ZHX2: variants seen among roughly 807,000 people sequenced by gnomAD.
ZHX2 encodes zinc fingers and homeoboxes 2.
ZHX2 carries 6 observed loss-of-function variants against 21.9 expected under a neutral mutation model. The observed-to-expected ratio is 0.27, with a 90% confidence interval of 0.15 to 0.54. ZHX2 has a LOEUF of 0.54. Among genes scored for constraint, ZHX2 ranks in the 20% least tolerant of loss-of-function variants. The probability of loss-of-function intolerance (pLI) is 0.95; values close to 1 mark genes in which losing one functional copy is unlikely to be tolerated. For missense variants in ZHX2, 908 were observed against 1,090.7 expected, an observed-to-expected ratio of 0.83 and a Z score of 2.36; for synonymous variants, 434 against 437.1, an observed-to-expected ratio of 0.99 and a Z score of 0.09.
Position 122,953,661 on chromosome 8 carries a change from C to T in ZHX2, c.2151C>T (p.Ala717=), listed in dbSNP as rs151153297. Residue 717 remains alanine (A), a synonymous_variant, in exon 3 of 4, where the codon GCC becomes GCT. Coordinates refer to ENST00000314393, the MANE Select transcript of ZHX2 (RefSeq NM_014943.5). The surrounding 1 kb of genome is among the most constrained non-coding windows in gnomAD (Gnocchi z 4.6). The part of the protein sequence containing the change: ...AVARKATKPM[A]ESPKNGGDVV... ...CAAGGAAAGCAACAAAACCCATGGC[C>T]GAGAGCCCAAAGAACGGGGGTGATG... 1.1e-5 allele frequency: 17 copies of T among 1,614,092 alleles called. No homozygotes were observed. The highest frequency in any genetic ancestry group is 2.2e-5 in the South Asian group (2 of 91,088).
intron 1 of ZHX2, among the ~76,000 whole-genome samples, chr8:122,859,201 C>T (rs1419884717): frequency 1.3e-5 from 2 of 152,212 alleles, no homozygotes; most frequent in Non-Finnish European, 2.9e-5. Flanking sequence ...TGCTTAGTAT[C>T]TCCTGGGGTC....
chr8:122,942,673 A>G (rs1812876054), intron 2 of ZHX2, among the ~76,000 whole-genome samples: 1 of 152,058 alleles, frequency 6.6e-6, no homozygotes, highest in Admixed American at 6.5e-5. Flanking sequence ...ATCCCTAGAG[A>G]GGTCAAGAGC....
intron 1 of ZHX2, among the ~76,000 whole-genome samples, chr8:122,783,527 A>C (rs542014228): frequency 3.9e-5 from 6 of 152,092 alleles, no homozygotes; most frequent in Non-Finnish European, 5.9e-5. Flanking sequence ...TCCTTTATAT[A>C]TGGCAGAAAT....
At chr8:122,959,513 C>A (rs1469793608) in intron 3 of ZHX2, among the ~76,000 whole-genome samples, 1 of 152,196 alleles carries the variant, frequency 6.6e-6, no homozygotes, top group East Asian at 1.9e-4. Context: ...TATCATTAAT[C>A]TCTGAATCCC....
chr8:122,852,506 A>G (rs557761545), intron 1 of ZHX2, among the ~76,000 whole-genome samples: 1 of 152,144 alleles, frequency 6.6e-6, no homozygotes, highest in Non-Finnish European at 1.5e-5. Flanking sequence ...GACACAGCTA[A>G]TCATCGGCAG....
At chr8:122,870,358 G>A (rs1183199160) in intron 2 of ZHX2, among the ~76,000 whole-genome samples, 1 of 151,994 alleles carries the variant, frequency 6.6e-6, no homozygotes, top group Non-Finnish European at 1.5e-5. Context: ...TGCCAGGCAC[G>A]GTAGCTCACG....
intron 1 of ZHX2, among the ~76,000 whole-genome samples, chr8:122,800,836 T>A (rs1367229098): frequency 6.6e-6 from 1 of 152,100 alleles, no homozygotes; most frequent in Non-Finnish European, 1.5e-5. Flanking sequence ...CAAAACCATG[T>A]GGGGGAGCTT....
At chr8:122,947,434 T>G (rs1445304892) in intron 2 of ZHX2, among the ~76,000 whole-genome samples, 3 of 152,202 alleles carry the variant, frequency 2.0e-5, no homozygotes, top group Non-Finnish European at 4.4e-5. Context: ...GGTACTGAAT[T>G]TTTAATCCTA....
At chr8:122,796,340 C>T (rs1275715158) in intron 1 of ZHX2, among the ~76,000 whole-genome samples, 1 of 152,182 alleles carries the variant, frequency 6.6e-6, no homozygotes, top group African/African-American at 2.4e-5. Flanking sequence ...ACTAACACAG[C>T]CTCTCATCCT....
intron 1 of ZHX2, among the ~76,000 whole-genome samples, chr8:122,834,217 T>A (rs141372533): frequency 6.6e-6 from 1 of 152,148 alleles, no homozygotes; most frequent in African/African-American, 2.4e-5. Context: ...TTGGCTTGGA[T>A]GAAGTGATGG....
At chr8:122,912,418 CTA>C in intron 2 of ZHX2, among the ~76,000 whole-genome samples, 1 of 152,318 alleles carries the variant, frequency 6.6e-6, no homozygotes, top group Middle Eastern at 3.4e-3. Flanking sequence ...GTAGGCTGCT[CTA>C]TGTGACGCCT....
At chr8:122,788,007 C>T (rs923227796) in intron 1 of ZHX2, among the ~76,000 whole-genome samples, 8 of 152,136 alleles carry the variant, frequency 5.3e-5, no homozygotes, top group Non-Finnish European at 1.2e-4. Context: ...CCATCTCATC[C>T]CCCACAGCCT....
intron 2 of ZHX2, among the ~76,000 whole-genome samples, chr8:122,878,233 A>G (rs1586353063): frequency 6.6e-6 from 1 of 152,204 alleles, no homozygotes; most frequent in East Asian, 1.9e-4. Context: ...TTGTGTGTGT[A>G]TGTATATCAG....
At chr8:122,844,764 A>G (rs769663477) in intron 1 of ZHX2, among the ~76,000 whole-genome samples, 2 of 151,954 alleles carry the variant, frequency 1.3e-5, no homozygotes, top group African/African-American at 2.4e-5. Context: ...TCACACACAC[A>G]CTTTTTGGTT....
rs1281510670 is a variant in ZHX2 at position 122,837,392 on chromosome 8, C to T, written c.-282-26085C>T. ...TGGGTTCCAGACCCCCATCTCTAAT[C>T]GTGAGCCCCATCCTGGAAGTCACTT... On this transcript the variant is annotated intron_variant, in intron 1 of 3. Coordinates refer to ENST00000314393, the MANE Select transcript of ZHX2 (RefSeq NM_014943.5). Among the ~76,000 whole-genome samples, 6 of 152,218 alleles carry T rather than the reference C, an allele frequency of 3.9e-5. No homozygotes were observed. The South Asian group carries it at 6.2e-4, about 16-fold the overall frequency.
intron 2 of ZHX2, among the ~76,000 whole-genome samples, chr8:122,909,891 C>T (rs1310605439): frequency 6.6e-6 from 1 of 152,206 alleles, no homozygotes; most frequent in East Asian, 1.9e-4. Context: ...AAAACCCTGC[C>T]TTCATTGGCT....
At chr8:122,967,010 T>G (rs1216377413) in intron 3 of ZHX2, among the ~76,000 whole-genome samples, 3 of 152,268 alleles carry the variant, frequency 2.0e-5, no homozygotes, top group Admixed American at 2.0e-4. Context: ...TGTGACTGTC[T>G]TTTCTTTATG....
chr8:122,826,510 C>T (rs1008361908), intron 1 of ZHX2, among the ~76,000 whole-genome samples: 1 of 152,162 alleles, frequency 6.6e-6, no homozygotes, highest in Non-Finnish European at 1.5e-5. Flanking sequence ...GAGATTTATA[C>T]CAATTAGAAT....
intron 2 of ZHX2, among the ~76,000 whole-genome samples, chr8:122,869,445 A>G (rs921524072): frequency 1.3e-5 from 2 of 151,806 alleles, no homozygotes; most frequent in Non-Finnish European, 2.9e-5. Flanking sequence ...CTCCTGCCTC[A>G]GCTTCCCAAG....
Sources: gnomAD v4.1 joint callset for allele counts (sites outside exome capture counted in the v4.1 genomes callset) on GRCh38, gnomAD v4.1.1 for gene constraint, Gnocchi (gnomAD v3.1) non-coding constraint, MANE v1.5 for transcripts, NCBI Gene and HGNC (gene_info 2026-07-23, HGNC 2026-07-21) for gene names.